The following MBL2 variants were observed in gnomAD, a reference collection of about 807,000 sequenced individuals.
MBL2 encodes the protein mannose binding lectin 2.
MBL2 carries 6 observed loss-of-function variants against 12.7 expected under a neutral mutation model. That is an observed-to-expected ratio of 0.47 (90% CI 0.26 to 0.94). The LOEUF is 0.94. Ranked by LOEUF, MBL2 falls within the 40% of genes least tolerant of loss-of-function variation. The pLI, the probability that MBL2 is intolerant of heterozygous loss-of-function variation, is 0.15. For missense variants in MBL2, 307 were observed against 295.2 expected, an observed-to-expected ratio of 1.04 and a Z score of -0.29; for synonymous variants, 114 against 112.0, an observed-to-expected ratio of 1.02 and a Z score of -0.11.
chr10:52,772,378 G>A (rs534631037), intron 1 of MBL2, among the ~76,000 whole-genome samples: 1 of 152,230 alleles, frequency 6.6e-6, no homozygotes, highest in African/African-American at 2.4e-5. Context: ...AAAACCACTG[G>A]CAATTAGAAA....
chr10:52,769,463 T>C (rs1036146441), intron 3 of MBL2, 148 bp from the exon 4 acceptor site: 6 of 548,426 alleles, frequency 1.1e-5, no homozygotes, highest in Admixed American at 3.5e-5. Context: ...TAAAAAATAC[T>C]GAAAAGCCCA....
intron 1 of MBL2, among the ~76,000 whole-genome samples, chr10:52,772,511 A>C (rs1840410509): frequency 6.6e-6 from 1 of 152,130 alleles, no homozygotes; most frequent in Admixed American, 6.5e-5. Context: ...TAAGCCTCCA[A>C]GTTTCCCTTT....
rs898116752 is a variant in MBL2, at chr10:52,767,135, T to A, written c.*1002A>T. 3 of 152,006 alleles carry A rather than the reference T, an allele frequency of 2.0e-5. No homozygotes were observed. Among genetic ancestry groups the A allele is most frequent in the Non-Finnish European group, 2.9e-5 (2 of 68,024 alleles). 9.4% of individuals were successfully genotyped at this position (152,006 alleles called of 1,614,324 possible). On this transcript the variant is annotated 3_prime_UTR_variant, in exon 5 of 5. Transcript: ENST00000674931. ...ACATGCTTTCCTCATCCTCTACCAG[T>A]TCCACTCCTGGATAGGTAGTGAAAT...
At chr10:52,772,026 CCTCTTT>C (rs10556764) in intron 1 of MBL2, among the ~76,000 whole-genome samples, 44,324 of 151,942 alleles carry the variant, frequency 0.29, 7,808 homozygotes, top group African/African-American at 0.51. Flanking sequence ...GTAGGAGCTT[CCTCTTT>C]CTCTCCATGT....
Position 52,768,443 on chromosome 10 carries a change from G to A in MBL2, c.441C>T (p.Thr147=). The part of the protein sequence containing the change: ...KFFLTNGEIM[T]FEKVKALCVK... ...CACACAAGGCCTTCACTTTTTCAAA[G>A]GTCATTATTTCACCATTGGTCAGGA... Residue 147 remains threonine, a synonymous_variant, in exon 5 of 5, where the codon ACC becomes ACT. Transcript: ENST00000674931. The A allele has an allele frequency of 6.2e-7, 1 of 1,609,836 alleles. No individual in the cohort carries two copies. Among genetic ancestry groups the A allele is most frequent in the East Asian group, 2.2e-5 (1 of 44,876 alleles).
intron 3 of MBL2, among the ~76,000 whole-genome samples, chr10:52,770,210 G>A (rs1171648295): frequency 1.3e-5 from 2 of 152,226 alleles, no homozygotes; most frequent in Non-Finnish European, 2.9e-5. Context: ...AACCAGCAGA[G>A]AAATCACATG....
rs1166032742 is a variant in MBL2 at position 52,766,149 on chromosome 10, G to T, written c.*1988C>A. On this transcript the variant is annotated 3_prime_UTR_variant, in exon 5 of 5. Coordinates refer to ENST00000674931, the MANE Select transcript of MBL2 (RefSeq NM_001378373.1). ...TTAGAGATTCAGTAGTAAGTTGCCA[G>T]TTCTGCATAAGTTGATTGATAGACT... The T allele has an allele frequency of 6.6e-6, 1 of 152,176 alleles. No homozygotes were observed. The highest frequency in any genetic ancestry group is 2.4e-5 in the African/African-American group (1 of 41,444). 9.4% of individuals were successfully genotyped at this position (152,176 alleles called of 1,614,324 possible).
In MBL2 at chr10:52,769,302, G is replaced by T. The variant is rs1466598015; in HGVS notation, c.318C>A (p.Ser106Arg). 41 of 1,610,464 alleles carry T rather than the reference G, an allele frequency of 2.5e-5. No individual in the cohort carries two copies. The highest frequency in any genetic ancestry group is 3.4e-5 in the Non-Finnish European group (40 of 1,177,934). ...DPGKSPDGDS[S>R]LAASERKALQ... The stretch of plus-strand genomic sequence containing the variant: ...GAGCTTTTCTTTCTGAGGCAGCCAG[G>T]CTACTATCACCATCTAGAAAATTAG... Residue 106 changes from serine to arginine, a missense_variant, in exon 4 of 5, where the codon AGC (serine) becomes AGA (arginine). Transcript: ENST00000674931.
chr10:52,769,699 G>A (rs1051966464), intron 3 of MBL2, among the ~76,000 whole-genome samples: 2 of 152,118 alleles, frequency 1.3e-5, no homozygotes, highest in Non-Finnish European at 2.9e-5. Context: ...GAAGAGTGAC[G>A]AAAAAGATTG....
chr10:52,768,194 C>T lies in MBL2; in HGVS notation c.690G>A (p.Gln230=). 1.2e-6 allele frequency: 2 copies of T among 1,613,428 alleles called. No homozygotes were observed. The highest frequency in any genetic ancestry group is 1.1e-5 in the South Asian group (1 of 91,010). The change falls in exon 5 of 5, where the codon CAG becomes CAA. Residue 230 remains glutamine (Q), a synonymous_variant. Coordinates refer to ENST00000674931, the MANE Select transcript of MBL2 (RefSeq NM_001378373.1). ...AGGTGGAGCAGGGGACGTCATTCCA[C>T]TGGCCATTTTTCAGTAGCAATACAC... ...EDCVLLLKNG[Q]WNDVPCSTSH... is the part of the protein sequence containing the mutation.
Position 52,765,874 on chromosome 10 carries a change from G to A in MBL2, c.*2263C>T, listed in dbSNP as rs1236382308. 2.0e-5 allele frequency: 3 copies of A among 152,100 alleles called. No individual in the cohort carries two copies. The highest frequency in any genetic ancestry group is 2.9e-5 in the Non-Finnish European group (2 of 68,008). The allele number at this position is 152,100 out of a possible 1,614,324, so 9.4% of individuals were successfully genotyped here. A position where few individuals can be genotyped will look rare whatever the true frequency, so the allele number is the denominator to read the frequency against. Reference sequence around the variant, plus strand: ...CATGACTATGCATATACAAAATCCAGAGGAATCTACAAATTACTAGATTTA... The same window carrying A: ...CATGACTATGCATATACAAAATCCAAAGGAATCTACAAATTACTAGATTTA... On this transcript the variant is annotated 3_prime_UTR_variant, in exon 5 of 5. Transcript: ENST00000674931.
chr10:52,772,109 C>A (rs1208293969), intron 1 of MBL2, among the ~76,000 whole-genome samples: 1 of 152,162 alleles, frequency 6.6e-6, no homozygotes, highest in Non-Finnish European at 1.5e-5. Context: ...CCCTCCAGGA[C>A]CTGTTAACTA....
At chr10:52,771,412 G>A (rs563474133) in intron 2 of MBL2, 37 bp downstream of exon 2, 2 of 1,603,446 alleles carry the variant, frequency 1.2e-6, no homozygotes, top group East Asian at 2.2e-5. Context: ...CCTCTGGAAG[G>A]TAAAGAATTG....
intron 3 of MBL2, among the ~76,000 whole-genome samples, chr10:52,769,744 A>G (rs1840363230): frequency 6.6e-6 from 1 of 152,056 alleles, no homozygotes; most frequent in African/African-American, 2.4e-5. Context: ...TTTGCTTTTG[A>G]TGTCTTTTGT....
rs757763669 is a variant in MBL2, at chr10:52,769,354, A to G, written c.305-39T>C. The G allele has an allele frequency of 2.2e-6, 3 of 1,362,224 alleles. No individual in the cohort carries two copies. In the Admixed American group the frequency reaches 5.2e-5, roughly 24 times the overall value. The allele number at this position is 1,362,224 out of a possible 1,614,324, so 84.4% of individuals were successfully genotyped here. Reference sequence around the variant, plus strand: ...ACAAAGTAAAGAAGCATTGTTGAGAAGGAGCCTCAGAACTGTGCATATACA... The same window carrying G: ...ACAAAGTAAAGAAGCATTGTTGAGAGGGAGCCTCAGAACTGTGCATATACA... On this transcript the variant is annotated intron_variant, in intron 3 of 4. Transcript: ENST00000674931.
rs762546214 is a variant in MBL2 at position 52,769,287 on chromosome 10, T to C, written c.333A>G (p.Glu111=). The C allele has an allele frequency of 3.2e-5, 52 of 1,612,350 alleles. 1 individual carries two copies. The Middle Eastern group carries it at 9.9e-4, about 31-fold the overall frequency. Residue 111 remains glutamate, a synonymous_variant, in exon 4 of 5, where the codon GAA becomes GAG. Transcript: ENST00000674931. ...CCATTTCTGTTTGCAGAGCTTTTCT[T>C]TCTGAGGCAGCCAGGCTACTATCAC... ...PDGDSSLAAS[E]RKALQTEMAR... is the part of the protein sequence containing the mutation.
chr10:52,769,831 G>T (rs1232230920), intron 3 of MBL2, among the ~76,000 whole-genome samples: 1 of 152,126 alleles, frequency 6.6e-6, no homozygotes, highest in Non-Finnish European at 1.5e-5. Flanking sequence ...TATCCAAGTG[G>T]GGAGGGCATG....
chr10:52,768,560 A>C, intron 4 of MBL2, 50 bp from the exon 5 acceptor site: 170 of 1,380,104 alleles, frequency 1.2e-4, no homozygotes, highest in Non-Finnish European at 1.5e-4. Context: ...AGCCCAACTC[A>C]AGGTATTTCT....
rs1840297582 is a variant in MBL2 at position 52,765,875 on chromosome 10, A to C, written c.*2262T>G. ...ATGACTATGCATATACAAAATCCAG[A>C]GGAATCTACAAATTACTAGATTTAA... On this transcript the variant is annotated 3_prime_UTR_variant, in exon 5 of 5. Coordinates refer to ENST00000674931, the MANE Select transcript of MBL2 (RefSeq NM_001378373.1). 1 of 152,212 alleles carries C rather than the reference A, an allele frequency of 6.6e-6. No individual in the cohort carries two copies. Among genetic ancestry groups the C allele is most frequent in the South Asian group, 2.1e-4 (1 of 4,826 alleles). The allele number at this position is 152,212 out of a possible 1,614,324, so 9.4% of individuals were successfully genotyped here.
Sources: allele counts gnomAD v4.1 joint callset (sites outside exome capture counted in the v4.1 genomes callset), GRCh38; gene constraint gnomAD v4.1.1; transcripts MANE v1.5; gene names NCBI Gene and HGNC (gene_info 2026-07-23, HGNC 2026-07-21).